ATCAY: variants seen among roughly 807,000 people sequenced by gnomAD.
ATCAY encodes ATCAY kinesin light chain interacting caytaxin.
Under a neutral mutation model 47.7 loss-of-function variants are expected in ATCAY, and 22 were observed. The ratio of observed to expected loss-of-function variants is 0.46; its 90% CI spans 0.33 to 0.66. ATCAY has a LOEUF of 0.66. Ranked by LOEUF, ATCAY falls within the 30% of genes least tolerant of loss-of-function variation. The probability of loss-of-function intolerance (pLI) is 0.02; values close to 1 mark genes in which losing one functional copy is unlikely to be tolerated. For synonymous variants in ATCAY, 216 were observed against 207.6 expected (o/e 1.04, Z -0.35); for missense variants, 452 against 515.0 (o/e 0.88, Z 1.18).
chr19:3,903,369 T>C (rs2145240739), intron 3 of ATCAY, among the ~76,000 whole-genome samples: 1 of 152,210 alleles, frequency 6.6e-6, no homozygotes, highest in Admixed American at 6.5e-5. Flanking sequence ...GAGGAGAGTT[T>C]TAGCCGTAAC....
At chr19:3,889,827 G>A (rs920612955) in intron 2 of ATCAY, among the ~76,000 whole-genome samples, 4 of 152,062 alleles carry the variant, frequency 2.6e-5, no homozygotes, top group African/African-American at 9.7e-5. Flanking sequence ...TAAAACAGCC[G>A]AGATGGGCTG....
intron 2 of ATCAY, among the ~76,000 whole-genome samples, chr19:3,891,527 A>T (rs375740916): frequency 6.6e-6 from 1 of 151,860 alleles, no homozygotes; most frequent in Non-Finnish European, 1.5e-5. Context: ...AGCTGGGTTC[A>T]TGGCACTTCT....
At chr19:3,909,378 G>A in intron 6 of ATCAY, 108 bp from the exon 7 acceptor site, 1 of 1,359,464 alleles carries the variant, frequency 7.4e-7, no homozygotes, top group Non-Finnish European at 1.0e-6. Context: ...GACCAGTGGG[G>A]CTGACCCAGC....
rs544266503 is a variant in ATCAY at position 3,897,288 on chromosome 19, A to AATCTATATCTATATCTAT, written c.78-5186_78-5169dup. Among the ~76,000 whole-genome samples, 1,232 of 143,618 alleles carry AATCTATATCTATATCTAT rather than the reference A, an allele frequency of 8.6e-3. 22 individuals carry two copies. Among genetic ancestry groups the AATCTATATCTATATCTAT allele is most frequent in the African/African-American group, 0.031 (1,183 of 38,070 alleles). The allele number at this position is 143,618 out of a possible 152,430, so 94.2% of individuals were successfully genotyped here. A position where few individuals can be genotyped will look rare whatever the true frequency, so the allele number is the denominator to read the frequency against. On this transcript the variant is annotated intron_variant, in intron 2 of 12. Coordinates refer to ENST00000450849, the MANE Select transcript of ATCAY (RefSeq NM_033064.5). ...CTATATATATATATATATATAGCAA[A>AATCTATATCTATATCTAT]ATCTATATCTATATCTATATCTATA... is the stretch of plus-strand genomic sequence containing the variant.
At chr19:3,892,661 C>G (rs1316814561) in intron 2 of ATCAY, among the ~76,000 whole-genome samples, 1 of 152,168 alleles carries the variant, frequency 6.6e-6, no homozygotes, top group Non-Finnish European at 1.5e-5. Context: ...AATCCCAGCA[C>G]TTTGGGAGGC....
intron 2 of ATCAY, among the ~76,000 whole-genome samples, chr19:3,889,185 T>A (rs10425080): frequency 0.41 from 62,376 of 152,060 alleles, 15,283 homozygotes; most frequent in African/African-American, 0.66. Context: ...AAGCCAAGGC[T>A]GGCAGATCAC....
Position 3,885,775 on chromosome 19 carries a change from C to A in ATCAY, c.8C>A (p.Thr3Asn). MGTTEATLRMENV... is the reference protein window; with the variant it reads MGNTEATLRMENV... ...TGCCTCTTCCCAGCTCCCATGGGGA[C>A]CACCGAAGCCACGCTCCGGATGGAA... The change falls in exon 2 of 13, where the codon ACC (threonine) becomes AAC (asparagine). Residue 3 changes from threonine (T) to asparagine (N), a missense_variant. Physicochemically the swap from Thr to Asn is moderately conservative, Grantham distance 65. Coordinates refer to ENST00000450849, the MANE Select transcript of ATCAY (RefSeq NM_033064.5). 6.4e-7 allele frequency: 1 copy of A among 1,551,328 alleles called. No individual in the cohort carries two copies. Among genetic ancestry groups the A allele is most frequent in the Non-Finnish European group, 8.7e-7 (1 of 1,147,178 alleles).
At chr19:3,919,592 A>T (rs1568453714) in intron 11 of ATCAY, among the ~76,000 whole-genome samples, 1 of 151,898 alleles carries the variant, frequency 6.6e-6, no homozygotes, top group East Asian at 1.9e-4. Flanking sequence ...TTCTGTCTCA[A>T]AAATAAATAA....
chr19:3,881,854 G>T (rs2038602661), intron 1 of ATCAY, among the ~76,000 whole-genome samples: 1 of 146,862 alleles, frequency 6.8e-6, no homozygotes, highest in East Asian at 2.1e-4. Context: ...GGCCTGGCTG[G>T]CTGCTGCCAC....
chr19:3,895,423 C>T (rs2038760795), intron 2 of ATCAY, among the ~76,000 whole-genome samples: 1 of 152,130 alleles, frequency 6.6e-6, no homozygotes, highest in Non-Finnish European at 1.5e-5. Context: ...CCACGTTGGC[C>T]AGGCTGGTCT....
At chr19:3,895,272 T>C (rs1248136448) in intron 2 of ATCAY, 8 of 455,114 alleles carry the variant, frequency 1.8e-5, no homozygotes, top group Non-Finnish European at 3.5e-5. Context: ...TGGAGTGCAA[T>C]GGCACGATCT....
chr19:3,881,384 GAAAAA>G (rs397946296), intron 1 of ATCAY, among the ~76,000 whole-genome samples: 1 of 130,342 alleles, frequency 7.7e-6, no homozygotes, highest in African/African-American at 2.9e-5. Flanking sequence ...ACGATTTCGG[GAAAAA>G]AAAAAAAAAA....
At position 3,907,693 on chromosome 19, in the gene ATCAY, G is replaced by C; in HGVS notation, c.359-41G>C. On this transcript the variant is annotated intron_variant, in intron 4 of 12. Transcript: ENST00000450849. The surrounding 1 kb of genome is among the most constrained non-coding windows in gnomAD (Gnocchi z 5.1). The stretch of plus-strand genomic sequence containing the variant: ...CTGAGCAGGAGGGCAGGAGATATCC[G>C]GACTCTGGCGTCCATGCGACTCTCC... 1 of 1,609,482 alleles carries C rather than the reference G, an allele frequency of 6.2e-7. No homozygotes were observed. Among genetic ancestry groups the C allele is most frequent in the Non-Finnish European group, 8.5e-7 (1 of 1,177,496 alleles).
At position 3,913,823 on chromosome 19, in the gene ATCAY, T is replaced by G; in HGVS notation, c.932T>G (p.Met311Arg). ...GAAGACCTGGAGCAACTCATCCCTA[T>G]GGAACACGTCCAGATCCCAGACTGC... ...SLEDLEQLIPMEHVQIPDCVL... is the reference protein window; with the variant it reads ...SLEDLEQLIPREHVQIPDCVL... Residue 311 changes from methionine (M) to arginine (R), a missense_variant, in exon 9 of 13, where the codon ATG becomes AGG. Transcript: ENST00000450849. 6.2e-7 allele frequency: 1 copy of G among 1,613,806 alleles called. No homozygotes were observed. The highest frequency in any genetic ancestry group is 8.5e-7 in the Non-Finnish European group (1 of 1,179,844).
Position 3,885,845 on chromosome 19 carries a change from G to C in ATCAY, c.77+1G>C. On this transcript the variant is annotated splice_donor_variant, in intron 2 of 12. Coordinates refer to ENST00000450849, the MANE Select transcript of ATCAY (RefSeq NM_033064.5). LOFTEE classifies it high-confidence loss of function. The stretch of plus-strand genomic sequence containing the variant: ...AATGGCAGGACGAAGATCTTCCCAG[G>C]TAGGACTTCCACATCCCTGAGTCAA... 6.4e-7 allele frequency: 1 copy of C among 1,551,914 alleles called. No individual in the cohort carries two copies. Among genetic ancestry groups the C allele is most frequent in the Non-Finnish European group, 8.7e-7 (1 of 1,147,620 alleles).
chr19:3,911,575 A>G (rs1368879844), intron 8 of ATCAY, among the ~76,000 whole-genome samples: 1 of 95,174 alleles, frequency 1.1e-5, no homozygotes, highest in Non-Finnish European at 1.9e-5. Context: ...AAATAATATG[A>G]CTAATAAATT....
chr19:3,899,589 A>G lies in ATCAY; in HGVS notation c.78-2898A>G, dbSNP rs149162669. Among the ~76,000 whole-genome samples, 49 of 152,186 alleles carry G rather than the reference A, an allele frequency of 3.2e-4. 1 individual carries two copies. In the East Asian group the frequency reaches 8.3e-3, roughly 26 times the overall value. ...CTCGGCCTCCCTAAGTGCCAGGATT[A>G]CAGGCATGAGCCACCACGCCCGGCC... is the stretch of plus-strand genomic sequence containing the variant. On this transcript the variant is annotated intron_variant, in intron 2 of 12. Coordinates refer to ENST00000450849, the MANE Select transcript of ATCAY (RefSeq NM_033064.5).
rs146410703 is a variant in ATCAY at position 3,899,308 on chromosome 19, CTTT to C, written c.78-3158_78-3156del. 2.5e-3 allele frequency among the ~76,000 whole-genome samples: 267 copies of C among 106,912 alleles called. 3 individuals are homozygous for C. Among genetic ancestry groups the C allele is most frequent in the African/African-American group, 9.4e-3 (253 of 26,962 alleles). 70.1% of individuals were successfully genotyped at this position (106,912 alleles called of 152,430 possible). ...GTGGAACAGAAATGAGGGAATAAAT[CTTT>C]TTTTTTTTTTTTTTTTTTTTGAGAG... On this transcript the variant is annotated intron_variant, in intron 2 of 12. Transcript: ENST00000450849.
At chr19:3,890,689 G>A (rs576169028) in intron 2 of ATCAY, among the ~76,000 whole-genome samples, 1 of 152,302 alleles carries the variant, frequency 6.6e-6, no homozygotes, top group South Asian at 2.1e-4. Flanking sequence ...GGGAGCGGGA[G>A]GAGGGTGTGT....
Sources: gnomAD v4.1 joint callset for allele counts (sites outside exome capture counted in the v4.1 genomes callset) on GRCh38, gnomAD v4.1.1 for gene constraint, Gnocchi (gnomAD v3.1) non-coding constraint, MANE v1.5 for transcripts, NCBI Gene and HGNC (gene_info 2026-07-23, HGNC 2026-07-21) for gene names.